DDX27: variants seen among roughly 807,000 people sequenced by gnomAD.
DDX27 encodes DEAD-box helicase 27, also known as probable ATP-dependent RNA helicase DDX27.
Under a neutral mutation model 99.3 loss-of-function variants are expected in DDX27, and 42 were observed. The ratio of observed to expected loss-of-function variants is 0.42; its 90% CI spans 0.33 to 0.55. The LOEUF is 0.55. DDX27 is among the 20% of genes least tolerant of loss of function. The pLI, the probability that DDX27 is intolerant of heterozygous loss-of-function variation, is 0.07. For synonymous variants in DDX27, 329 were observed against 353.8 expected (o/e 0.93, Z 0.79); for missense variants, 798 against 976.8 (o/e 0.82, Z 2.44).
chr20:49,223,489 CCTTTA>C (rs904007300), intron 4 of DDX27, 56 bp downstream of exon 4: 2 of 1,517,372 alleles, frequency 1.3e-6, no homozygotes, highest in African/African-American at 2.8e-5. Context: ...AAGGCATCCT[CCTTTA>C]CTTTGTAGGG....
intron 9 of DDX27, among the ~76,000 whole-genome samples, chr20:49,231,867 TG>T (rs1447505900): frequency 6.8e-6 from 1 of 146,544 alleles, no homozygotes; most frequent in Admixed American, 7.0e-5. Context: ...GTGAGAAGGA[TG>T]AGGGGCCTTT....
Position 49,236,168 on chromosome 20 carries a change from G to T in DDX27, c.1446G>T (p.Gln482His). 6.2e-7 allele frequency: 1 copy of T among 1,612,336 alleles called. No homozygotes were observed. The highest frequency in any genetic ancestry group is 8.5e-7 in the Non-Finnish European group (1 of 1,179,186). ...TTTCTAGGCGTTTTAAGGATGAACAGATTGACATCCTCGTGGCCACTGATG... is the reference window on the plus strand; with the variant it reads ...TTTCTAGGCGTTTTAAGGATGAACATATTGACATCCTCGTGGCCACTGATG... The part of the protein sequence containing the change: ...LEALRRFKDE[Q>H]IDILVATDVA... Residue 482 changes from glutamine (Q) to histidine (H), a missense_variant, in exon 13 of 21, where the codon CAG (glutamine) becomes CAT (histidine). Gln to His is a conservative substitution (Grantham distance 24). This residue lies in a region of DDX27 where 553 missense variants were observed against 727.9 expected (regional missense o/e 0.76). Coordinates refer to ENST00000618172, the MANE Select transcript of DDX27 (RefSeq NM_017895.8). This position sits in a 1 kb window ranked among gnomAD's most constrained non-coding sequence, Gnocchi z 4.1.
At chr20:49,222,359 G>T (rs578188258) in intron 2 of DDX27, among the ~76,000 whole-genome samples, 29 of 151,950 alleles carry the variant, frequency 1.9e-4, no homozygotes, top group African/African-American at 6.3e-4. Flanking sequence ...ACCCAGGCCG[G>T]AGTGCAATGG....
chr20:49,238,442 C>A, intron 14 of DDX27: 1 of 162,746 alleles, frequency 6.1e-6, no homozygotes, highest in Non-Finnish European at 1.3e-5. Context: ...GGTGGGACTA[C>A]AGGTGTGTGC....
intron 11 of DDX27, 92 bp downstream of exon 11, chr20:49,233,801 C>G (rs1365732580): frequency 6.9e-7 from 1 of 1,443,150 alleles, no homozygotes; most frequent in South Asian, 1.2e-5. Context: ...TCCCCTGCGC[C>G]TCTGCCGTCC....
chr20:49,238,965 C>T lies in DDX27; in HGVS notation c.1704C>T (p.Phe568=). ...CCCATTGAGATGTCATCCTCAAATT[C>T]CGGGACAAGATTGAGAAAATGGAGA... is the stretch of plus-strand genomic sequence containing the variant. ...RILPQDVILK[F]RDKIEKMEKD... The change falls in exon 15 of 21, where the codon TTC becomes TTT. Residue 568 remains phenylalanine, a synonymous_variant. Transcript: ENST00000618172. The T allele has an allele frequency of 6.2e-7, 1 of 1,613,660 alleles. No homozygotes were observed. Among genetic ancestry groups the T allele is most frequent in the Non-Finnish European group, 8.5e-7 (1 of 1,179,758 alleles).
intron 14 of DDX27, chr20:49,237,828 G>A (rs1433125413): frequency 6.5e-6 from 1 of 152,684 alleles, no homozygotes; most frequent in African/African-American, 2.4e-5. Context: ...GAGAACAAGA[G>A]AAAGGTCAGG....
chr20:49,242,079 CT>C lies in DDX27; in HGVS notation c.1993-3del, dbSNP rs970457882. The stretch of plus-strand genomic sequence containing the variant: ...CCACACTCACACCTCCCCACTCCCC[CT>C]AGGCAGAGGAAAGGTCTCAGTTTGA... On this transcript the variant is annotated splice_polypyrimidine_tract_variant and splice_region_variant and intron_variant, in intron 17 of 20. Transcript: ENST00000618172. 8.7e-6 allele frequency: 14 copies of C among 1,614,214 alleles called. No homozygotes were observed. The highest frequency in any genetic ancestry group is 1.3e-5 in the African/African-American group (1 of 75,070).
chr20:49,242,323 G>A, intron 18 of DDX27, 117 bp downstream of exon 18: 2 of 1,483,940 alleles, frequency 1.3e-6, no homozygotes, highest in Non-Finnish European at 9.0e-7. Flanking sequence ...TGAGTAATTA[G>A]TATGTACCAA....
intron 14 of DDX27, among the ~76,000 whole-genome samples, chr20:49,237,145 C>T (rs180765639): frequency 6.6e-6 from 1 of 152,018 alleles, no homozygotes; most frequent in East Asian, 1.9e-4. Context: ...CCAACCTGAG[C>T]AATATAGTGA....
At chr20:49,234,787 C>A in intron 11 of DDX27, 148 bp from the exon 12 acceptor site, 1 of 909,356 alleles carries the variant, frequency 1.1e-6, no homozygotes, top group Non-Finnish European at 1.5e-6. Flanking sequence ...TTCTCTGTAT[C>A]CACCCTGGAA....
At chr20:49,225,303 C>A in intron 6 of DDX27, 104 bp downstream of exon 6, 1 of 968,818 alleles carries the variant, frequency 1.0e-6, no homozygotes, top group East Asian at 2.4e-5. Flanking sequence ...TTGCCTCAAC[C>A]TCCCAGAGTG....
intron 16 of DDX27, 75 bp downstream of exon 16, chr20:49,239,413 C>G (rs1980405316): frequency 9.0e-7 from 1 of 1,113,122 alleles, no homozygotes; most frequent in South Asian, 1.5e-5. Flanking sequence ...TTTCCTAGTT[C>G]TATACTGTAA....
At chr20:49,229,780 G>A (rs1980035133) in intron 8 of DDX27, among the ~76,000 whole-genome samples, 1 of 151,804 alleles carries the variant, frequency 6.6e-6, no homozygotes, top group African/African-American at 2.4e-5. Flanking sequence ...CAAGTAGCTG[G>A]AATTATAGGT....
chr20:49,221,340 C>G (rs1048786420), intron 1 of DDX27, 112 bp from the exon 2 acceptor site: 4 of 1,249,824 alleles, frequency 3.2e-6, no homozygotes, highest in Non-Finnish European at 4.5e-6. Flanking sequence ...TGCGTGCCTT[C>G]GCCTCCTAAA....
rs1456561518 is a variant in DDX27, at chr20:49,225,145, G to T, written c.546G>T (p.Gln182His). 2.5e-6 allele frequency: 4 copies of T among 1,614,004 alleles called. No individual in the cohort carries two copies. Among genetic ancestry groups the T allele is most frequent in the Non-Finnish European group, 3.4e-6 (4 of 1,179,998 alleles). Reference protein sequence around the residue: ...EAGGFFEDASQYDENLSFQDM... With the variant: ...EAGGFFEDASHYDENLSFQDM... ...GAGGATTTTTTGAAGATGCATCTCAGTACGATGAAAACCTCTCGTTCCAGG... is the reference window on the plus strand; with the variant it reads ...GAGGATTTTTTGAAGATGCATCTCATTACGATGAAAACCTCTCGTTCCAGG... Residue 182 changes from glutamine to histidine, a missense_variant, in exon 6 of 21, where the codon CAG becomes CAT. Transcript: ENST00000618172.
intron 14 of DDX27, among the ~76,000 whole-genome samples, chr20:49,237,168 T>TA (rs1327025234): frequency 4.8e-4 from 70 of 146,242 alleles, no homozygotes; most frequent in Admixed American, 6.9e-4. Flanking sequence ...TGCCTGTCTC[T>TA]AAAAAAAAAA....
At chr20:49,235,906 G>C in intron 12 of DDX27, 1 of 256,102 alleles carries the variant, frequency 3.9e-6, no homozygotes, top group Admixed American at 5.4e-5. Context: ...ACCATGCCTG[G>C]CTAATTTTTT....
intron 1 of DDX27, among the ~76,000 whole-genome samples, chr20:49,220,039 A>G (rs889130363): frequency 1.3e-5 from 2 of 152,132 alleles, no homozygotes; most frequent in Non-Finnish European, 2.9e-5. Context: ...CAGTATGGCA[A>G]TTAAAGAGGT....
Sources: gnomAD v4.1 joint callset for allele counts (sites outside exome capture counted in the v4.1 genomes callset) on GRCh38, gnomAD v4.1.1 for gene constraint, gnomAD v4.1.1 regional missense constraint, Gnocchi (gnomAD v3.1) non-coding constraint, MANE v1.5 for transcripts, NCBI Gene and HGNC (gene_info 2026-07-23, HGNC 2026-07-21) for gene names.